The following SMIM10L3 variants were observed in gnomAD, a reference collection of about 807,000 sequenced individuals.
The protein encoded by SMIM10L3 is small integral membrane protein 10 like 3.
At chr7:6,330,207 G>C in the SMIM10L3 span, 1 of 673,990 alleles carries the variant, frequency 1.5e-6, no homozygotes, top group South Asian at 2.1e-5. Flanking sequence ...AGTTCCTTCC[G>C]CATCAACTGG....
At chr7:6,330,005 T>C in the SMIM10L3 span, 10 of 240,826 alleles carry the variant, frequency 4.2e-5, no homozygotes, top group African/African-American at 1.2e-4. Flanking sequence ...TCCACTTCCA[T>C]TGGGTGATCA....
the SMIM10L3 span, among the ~76,000 whole-genome samples, chr7:6,333,923 T>C: frequency 7.0e-6 from 1 of 142,666 alleles, no homozygotes; most frequent in East Asian, 2.3e-4. Context: ...CTCAGCTCAC[T>C]AAAAGCTCCA....
chr7:6,347,897 T>TATTATG, the SMIM10L3 span, among the ~76,000 whole-genome samples: 1 of 145,296 alleles, frequency 6.9e-6, no homozygotes, highest in Non-Finnish European at 1.5e-5. Context: ...TTATTATTAT[T>TATTATG]ATTATTATTA....
At chr7:6,337,224 A>C in the SMIM10L3 span, among the ~76,000 whole-genome samples, 6 of 152,084 alleles carry the variant, frequency 3.9e-5, no homozygotes, top group Non-Finnish European at 7.4e-5. Context: ...GGTGTATGCC[A>C]CCATGGCCCT....
the SMIM10L3 span, among the ~76,000 whole-genome samples, chr7:6,344,708 G>A: frequency 8.6e-5 from 13 of 151,698 alleles, no homozygotes; most frequent in African/African-American, 2.4e-4. Context: ...GTTGAGTCAC[G>A]GCACCTGGCC....
chr7:6,341,531 T>A, the SMIM10L3 span, among the ~76,000 whole-genome samples: 3 of 142,374 alleles, frequency 2.1e-5, no homozygotes, highest in African/African-American at 7.9e-5. Context: ...AAAAAAAAAT[T>A]TTTTTTAAAT....
At chr7:6,334,406 C>G in the SMIM10L3 span, among the ~76,000 whole-genome samples, 5 of 151,650 alleles carry the variant, frequency 3.3e-5, no homozygotes, top group African/African-American at 9.7e-5. Flanking sequence ...CATGGTGGAG[C>G]ATGCCTGTAG....
At chr7:6,334,623 C>T in the SMIM10L3 span, among the ~76,000 whole-genome samples, 15 of 152,042 alleles carry the variant, frequency 9.9e-5, no homozygotes, top group South Asian at 4.1e-4. Context: ...CACACCGCCA[C>T]GCCCGGCTAA....
the SMIM10L3 span, among the ~76,000 whole-genome samples, chr7:6,331,469 A>T: frequency 0.61 from 93,091 of 151,540 alleles, 30,492 homozygotes; most frequent in East Asian, 0.9. Context: ...AGCCGTATTA[A>T]GGTTTTTGTT....
the SMIM10L3 span, among the ~76,000 whole-genome samples, chr7:6,332,861 A>G: frequency 5.9e-5 from 9 of 152,302 alleles, no homozygotes; most frequent in Middle Eastern, 3.4e-3. Context: ...AACCGCATTA[A>G]GATTTGTTAT....
the SMIM10L3 span, among the ~76,000 whole-genome samples, chr7:6,335,683 T>C: frequency 3.3e-5 from 5 of 152,284 alleles, no homozygotes; most frequent in Non-Finnish European, 5.9e-5. Flanking sequence ...TTGTGGGACA[T>C]GCTGAAAAGT....
chr7:6,333,925 A>C, the SMIM10L3 span, among the ~76,000 whole-genome samples: 446 of 148,442 alleles, frequency 3.0e-3, 2 homozygotes, highest in African/African-American at 9.1e-3. Flanking sequence ...CAGCTCACTA[A>C]AAGCTCCACC....
the SMIM10L3 span, chr7:6,330,432 T>C: frequency 2.5e-5 from 40 of 1,614,028 alleles, no homozygotes; most frequent in African/African-American, 4.0e-5. Flanking sequence ...GTAACCCCAG[T>C]GTTATCTGCA....
At chr7:6,339,907 A>G in the SMIM10L3 span, among the ~76,000 whole-genome samples, 3 of 145,306 alleles carry the variant, frequency 2.1e-5, no homozygotes, top group Non-Finnish European at 4.6e-5. Context: ...CGCAGGGAGC[A>G]TGAGTCTCAC....
chr7:6,345,155 T>C, the SMIM10L3 span, among the ~76,000 whole-genome samples: 7 of 152,138 alleles, frequency 4.6e-5, no homozygotes, highest in African/African-American at 1.4e-4. Flanking sequence ...TCTCACTCTG[T>C]TGCCCAGGCT....
the SMIM10L3 span, among the ~76,000 whole-genome samples, chr7:6,332,953 G>A: frequency 0.011 from 1,691 of 152,216 alleles, 30 homozygotes; most frequent in African/African-American, 0.038. Flanking sequence ...GAGGTCAGGA[G>A]TTCGAGACAA....
the SMIM10L3 span, chr7:6,348,894 A>G: frequency 5.2e-6 from 2 of 387,604 alleles, no homozygotes; most frequent in Admixed American, 4.5e-5. Context: ...GCCGCAGTGG[A>G]GCGGAGTCCG....
At chr7:6,348,585 G>A in the SMIM10L3 span, 3 of 441,706 alleles carry the variant, frequency 6.8e-6, no homozygotes, top group South Asian at 5.1e-5. Flanking sequence ...GCAGGCGGAC[G>A]TTGAGCATCA....
At chr7:6,333,840 CTTTTT>C in the SMIM10L3 span, among the ~76,000 whole-genome samples, 1 of 96,844 alleles carries the variant, frequency 1.0e-5, no homozygotes, top group African/African-American at 3.9e-5. Flanking sequence ...CTCCTGGCCT[CTTTTT>C]TTTTTTTTTT....
Sources: allele counts gnomAD v4.1 joint callset (sites outside exome capture counted in the v4.1 genomes callset), GRCh38; gene constraint gnomAD v4.1.1; transcripts MANE v1.5; gene names NCBI Gene and HGNC (gene_info 2026-07-23, HGNC 2026-07-21).